Variants in NEGR1 observed in about 807,000 individuals in gnomAD.
The protein encoded by NEGR1 is IgLON family member 4.
NEGR1 carries 10 observed loss-of-function variants against 40.9 expected under a neutral mutation model. The observed-to-expected ratio is 0.24, with a 90% CI of 0.15 to 0.42. NEGR1 has a LOEUF of 0.42. NEGR1 is among the 10% of genes least tolerant of loss of function. The pLI, the probability that NEGR1 is intolerant of heterozygous loss-of-function variation, is 1.00. For missense variants in NEGR1, 352 were observed against 438.9 expected (o/e 0.80, Z 1.77); for synonymous variants, 185 against 166.8 (o/e 1.11, Z -0.84).
rs188862717 is a variant in NEGR1, at chr1:71,956,090, T to A, written c.177-20779A>T. 5.6e-4 allele frequency among the ~76,000 whole-genome samples: 85 copies of A among 152,322 alleles called. No homozygotes were observed. The Middle Eastern group carries it at 0.014, about 24-fold the overall frequency. ...TTTAAAAGGCAAGGCTAACATTGTT[T>A]AGTTTGGGCAACCATATGCTATTCC... On this transcript the variant is annotated intron_variant, in intron 1 of 6. Coordinates refer to ENST00000357731, the MANE Select transcript of NEGR1 (RefSeq NM_173808.3).
At chr1:71,653,902 T>C (rs1651794460) in intron 4 of NEGR1, among the ~76,000 whole-genome samples, 1 of 152,174 alleles carries the variant, frequency 6.6e-6, no homozygotes, top group African/African-American at 2.4e-5. Context: ...TCAAAACCCA[T>C]GGTTTCAGGC....
rs1646227755 is a variant in NEGR1, at chr1:71,398,757, G to A, written c.*8689C>T. 1 of 152,142 alleles carries A rather than the reference G, an allele frequency of 6.6e-6. No homozygotes were observed. The highest frequency in any genetic ancestry group is 2.1e-4 in the South Asian group (1 of 4,826). The allele number at this position is 152,142 out of a possible 1,614,324, so 9.4% of individuals were successfully genotyped here. On this transcript the variant is annotated 3_prime_UTR_variant, in exon 7 of 7. Transcript: ENST00000357731. Reference sequence around the variant, plus strand: ...GACCAGGGGTGGAATGATATGGTTTGGCTGTGTCCCCACCCAAGTCTCATT... The same window carrying A: ...GACCAGGGGTGGAATGATATGGTTTAGCTGTGTCCCCACCCAAGTCTCATT...
At chr1:72,234,443 A>T (rs1654483054) in intron 1 of NEGR1, among the ~76,000 whole-genome samples, 1 of 152,146 alleles carries the variant, frequency 6.6e-6, no homozygotes, top group South Asian at 2.1e-4. Context: ...ACCTAATTAA[A>T]CCAAGGAGCT....
intron 1 of NEGR1, among the ~76,000 whole-genome samples, chr1:72,195,789 ATGCCTTGTG>A (rs1458761858): frequency 6.6e-6 from 1 of 152,036 alleles, no homozygotes; most frequent in Admixed American, 6.6e-5. Context: ...AAGATACTGC[ATGCCTTGTG>A]TGGCCATTAC....
intron 1 of NEGR1, among the ~76,000 whole-genome samples, chr1:72,184,351 T>G (rs1652531149): frequency 6.6e-6 from 1 of 152,008 alleles, no homozygotes; most frequent in African/African-American, 2.4e-5. Flanking sequence ...CAGAAAGACA[T>G]TTCGCAAAGG....
chr1:71,434,934 A>G (rs1195159205), intron 6 of NEGR1, among the ~76,000 whole-genome samples: 2 of 152,162 alleles, frequency 1.3e-5, no homozygotes, highest in Non-Finnish European at 2.9e-5. Flanking sequence ...TACTAAAAAT[A>G]CAAAAAATTA....
chr1:72,276,091 C>T (rs1224965180), intron 1 of NEGR1, among the ~76,000 whole-genome samples: 2 of 151,888 alleles, frequency 1.3e-5, no homozygotes, highest in East Asian at 3.9e-4. Context: ...AGTGAGACTC[C>T]ATCTCAGAAA....
At chr1:71,636,983 T>C (rs1651174438) in intron 4 of NEGR1, among the ~76,000 whole-genome samples, 1 of 152,048 alleles carries the variant, frequency 6.6e-6, no homozygotes, top group Non-Finnish European at 1.5e-5. Context: ...GGAATAGGAA[T>C]AGTATGAAAA....
At chr1:71,963,187 T>C (rs1172673876) in intron 1 of NEGR1, among the ~76,000 whole-genome samples, 3 of 152,132 alleles carry the variant, frequency 2.0e-5, no homozygotes, top group Non-Finnish European at 2.9e-5. Flanking sequence ...TGGACATTTT[T>C]CTGTAATGCC....
chr1:72,141,891 C>T (rs1046803465), intron 1 of NEGR1, among the ~76,000 whole-genome samples: 2 of 151,784 alleles, frequency 1.3e-5, no homozygotes, highest in African/African-American at 2.4e-5. Flanking sequence ...CAAACAATGA[C>T]AGTTAATAGA....
intron 1 of NEGR1, among the ~76,000 whole-genome samples, chr1:72,104,122 A>C (rs1649045402): frequency 6.6e-6 from 1 of 152,012 alleles, no homozygotes; most frequent in Non-Finnish European, 1.5e-5. Flanking sequence ...TTGAGTGCAG[A>C]ATGCTTACAG....
chr1:71,973,532 G>A (rs1646276498), intron 1 of NEGR1, among the ~76,000 whole-genome samples: 1 of 152,042 alleles, frequency 6.6e-6, no homozygotes, highest in Non-Finnish European at 1.5e-5. Flanking sequence ...AAACCATTGG[G>A]ATTTTTAATC....
In NEGR1 at chr1:71,868,477, T is replaced by G. The variant is rs1036026248; in HGVS notation, c.409+66602A>C. On this transcript the variant is annotated intron_variant, in intron 2 of 6. Coordinates refer to ENST00000357731, the MANE Select transcript of NEGR1 (RefSeq NM_173808.3). ...TAGATAGATAGATAGACAGAATACA[T>G]ACATACATACATACATACATACATA... is the stretch of plus-strand genomic sequence containing the variant. Among the ~76,000 whole-genome samples the G allele has an allele frequency of 1.1e-3, 85 of 79,796 alleles. 1 individual carries two copies. The highest frequency in any genetic ancestry group is 3.6e-3 in the African/African-American group (79 of 22,162). The allele number at this position is 79,796 out of a possible 152,430, so 52.3% of individuals were successfully genotyped here. A position where few individuals can be genotyped will look rare whatever the true frequency, so the allele number is the denominator to read the frequency against.
At chr1:71,783,947 T>C (rs894029232) in intron 2 of NEGR1, among the ~76,000 whole-genome samples, 2 of 152,114 alleles carry the variant, frequency 1.3e-5, no homozygotes, top group Admixed American at 6.6e-5. Flanking sequence ...GTTAGAAAGA[T>C]ACAACATTTC....
At chr1:71,432,620 A>T (rs937341597) in intron 6 of NEGR1, among the ~76,000 whole-genome samples, 2 of 152,230 alleles carry the variant, frequency 1.3e-5, no homozygotes, top group African/African-American at 4.8e-5. Flanking sequence ...AAGGCTAAAA[A>T]TGTAACTGCA....
chr1:72,046,717 A>C (rs369455527), intron 1 of NEGR1, among the ~76,000 whole-genome samples: 42 of 151,824 alleles, frequency 2.8e-4, no homozygotes, highest in African/African-American at 9.2e-4. Context: ...ACTGAGTTCT[A>C]GATATAGTTT....
intron 6 of NEGR1, among the ~76,000 whole-genome samples, chr1:71,477,689 G>A (rs1450842907): frequency 1.3e-5 from 2 of 152,074 alleles, no homozygotes; most frequent in East Asian, 1.9e-4. Flanking sequence ...TAAAGAAAGA[G>A]TGGGTTTGTA....
intron 1 of NEGR1, among the ~76,000 whole-genome samples, chr1:71,943,033 C>T (rs1421763268): frequency 8.1e-6 from 1 of 122,956 alleles, no homozygotes; most frequent in Non-Finnish European, 1.8e-5. Context: ...TATATACACA[C>T]ATACATATAT....
chr1:71,774,439 A>T (rs1323369490), intron 3 of NEGR1, among the ~76,000 whole-genome samples: 1 of 152,198 alleles, frequency 6.6e-6, no homozygotes, highest in Non-Finnish European at 1.5e-5. Context: ...TATTATATAA[A>T]TATATATTGC....
Sources: allele counts gnomAD v4.1 joint callset (sites outside exome capture counted in the v4.1 genomes callset), GRCh38; gene constraint gnomAD v4.1.1; transcripts MANE v1.5; gene names NCBI Gene and HGNC (gene_info 2026-07-23, HGNC 2026-07-21).